NIPBL: variants seen among roughly 807,000 people sequenced by gnomAD.
The protein encoded by NIPBL is nipped-B-like protein.
Under a neutral mutation model 321.8 loss-of-function variants are expected in NIPBL, and 19 were observed. The observed-to-expected ratio is 0.06, with a 90% confidence interval of 0.04 to 0.09. The LOEUF (loss-of-function observed/expected upper bound fraction) is 0.09, where lower values mean the gene tolerates loss of function less well. NIPBL is among the 10% of genes least tolerant of loss of function. The pLI is 1.00. For missense variants in NIPBL, 2,210 were observed against 3,327.0 expected (o/e 0.66, Z 8.26); for synonymous variants, 1,106 against 1,114.1 (o/e 0.99, Z 0.14).
chr5:36,984,108 T>A (rs1048081612), intron 9 of NIPBL, among the ~76,000 whole-genome samples: 2 of 152,134 alleles, frequency 1.3e-5, no homozygotes, highest in Non-Finnish European at 2.9e-5. Context: ...TAAAGTTAAA[T>A]GACAAATTAT....
chr5:37,000,335 A>G, intron 11 of NIPBL, 38 bp from the exon 12 acceptor site: 2 of 1,590,674 alleles, frequency 1.3e-6, no homozygotes, highest in Non-Finnish European at 1.7e-6. Context: ...CATCTTTTTA[A>G]ATGAGGTAAA....
chr5:36,913,912 A>C (rs1291300496), intron 1 of NIPBL, among the ~76,000 whole-genome samples: 1 of 152,178 alleles, frequency 6.6e-6, no homozygotes, highest in African/African-American at 2.4e-5. Context: ...TATTAGTCAG[A>C]ATGGGATATA....
At chr5:37,052,664 G>A (rs1166615638) in intron 42 of NIPBL, 98 bp downstream of exon 42, 3 of 873,026 alleles carry the variant, frequency 3.4e-6, no homozygotes, top group East Asian at 5.3e-5. Context: ...ATTAGTATAT[G>A]ATAGTAACTT....
chr5:36,912,002 A>C (rs181230599), intron 1 of NIPBL, among the ~76,000 whole-genome samples: 1 of 152,168 alleles, frequency 6.6e-6, no homozygotes. Context: ...CATTTGATCA[A>C]ATTCGTGTTT....
At chr5:36,974,481 G>A (rs1267549847) in intron 8 of NIPBL, among the ~76,000 whole-genome samples, 6 of 151,996 alleles carry the variant, frequency 3.9e-5, no homozygotes, top group Non-Finnish European at 7.4e-5. Flanking sequence ...AAATCTTCAG[G>A]TTTGTTAACT....
intron 1 of NIPBL, among the ~76,000 whole-genome samples, chr5:36,917,805 G>C (rs1198293792): frequency 6.6e-6 from 1 of 151,996 alleles, no homozygotes; most frequent in African/African-American, 2.4e-5. Flanking sequence ...TCTTGTTTTT[G>C]TCAGGTTTGT....
chr5:36,955,532 T>G lies in NIPBL; in HGVS notation c.125T>G (p.Phe42Cys). The G allele has an allele frequency of 1.2e-6, 2 of 1,614,006 alleles. No individual in the cohort carries two copies. Among genetic ancestry groups the G allele is most frequent in the Non-Finnish European group, 1.7e-6 (2 of 1,179,926 alleles). The change falls in exon 3 of 47, where the codon TTT becomes TGT. Residue 42 changes from phenylalanine to cysteine, a missense_variant. By Grantham distance (205) the Phe-to-Cys change is radical (BLOSUM62 -2). Around this residue, in one of 14 missense-constraint regions of NIPBL, gnomAD observed 28 missense variants for 65.5 expected, o/e 0.43. Transcript: ENST00000282516. ...GCTACAACTACAAAGAGCCTTCTCT[T>G]TAATGCACGAATAGCAGAAGAGGTG... is the stretch of plus-strand genomic sequence containing the variant. ...LPATTTKSLL[F>C]NARIAEEVNC... is the part of the protein sequence containing the mutation.
rs1487104595 is a variant in NIPBL at position 37,052,583 on chromosome 5, ATTATT to A, written c.7263+21_7263+25del. The A allele has an allele frequency of 1.2e-6, 2 of 1,603,740 alleles. No homozygotes were observed. Among genetic ancestry groups the A allele is most frequent in the Admixed American group, 1.7e-5 (1 of 59,920 alleles). On this transcript the variant is annotated intron_variant, in intron 42 of 46. Transcript: ENST00000282516. ...GACACAGCAGTAAGCACAAAAACTT[ATTATT>A]TTAAGAAAATAAGTGCTCTAGAAAT... is the stretch of plus-strand genomic sequence containing the variant.
chr5:36,939,554 T>G (rs55712022), intron 1 of NIPBL, among the ~76,000 whole-genome samples: 2,658 of 152,330 alleles, frequency 0.017, 33 homozygotes, highest in Middle Eastern at 0.044. Flanking sequence ...TTGAAGGACA[T>G]TTGTTTCCAG....
At chr5:36,949,358 T>A (rs1409060380) in intron 1 of NIPBL, among the ~76,000 whole-genome samples, 1 of 151,910 alleles carries the variant, frequency 6.6e-6, no homozygotes, top group Non-Finnish European at 1.5e-5. Context: ...ACATTTTAGC[T>A]GTTAGTTTAA....
intron 32 of NIPBL, among the ~76,000 whole-genome samples, chr5:37,033,705 C>CACACATAT (rs1415570935): frequency 3.7e-4 from 30 of 80,232 alleles, no homozygotes; most frequent in South Asian, 1.1e-3. Flanking sequence ...CACACACACA[C>CACACATAT]ATATATATAT....
intron 44 of NIPBL, 24 bp downstream of exon 44, chr5:37,059,189 GA>G (rs1318234343): frequency 6.2e-6 from 10 of 1,612,124 alleles, no homozygotes; most frequent in East Asian, 4.5e-5. Flanking sequence ...AGCAGTGAGA[GA>G]AAAAACTTCA....
At chr5:36,940,894 T>A (rs180672035) in intron 1 of NIPBL, among the ~76,000 whole-genome samples, 1 of 152,224 alleles carries the variant, frequency 6.6e-6, no homozygotes, top group African/African-American at 2.4e-5. Flanking sequence ...TTGTTACTGT[T>A]ATGGAATTTA....
intron 3 of NIPBL, 88 bp downstream of exon 3, chr5:36,955,725 T>A: frequency 1.0e-6 from 1 of 995,560 alleles, no homozygotes; most frequent in Non-Finnish European, 1.6e-6. Flanking sequence ...TTTCAGAAAT[T>A]TTTAGATACA....
intron 1 of NIPBL, among the ~76,000 whole-genome samples, chr5:36,928,773 T>C (rs1749554729): frequency 6.6e-6 from 1 of 152,182 alleles, no homozygotes; most frequent in Admixed American, 6.5e-5. Flanking sequence ...GAATTATATG[T>C]AGTATTTTGC....
At chr5:37,001,719 A>C (rs1462759849) in intron 14 of NIPBL, among the ~76,000 whole-genome samples, 1 of 152,178 alleles carries the variant, frequency 6.6e-6, no homozygotes, top group Non-Finnish European at 1.5e-5. Context: ...CAAAATAGTA[A>C]ACCAGTTAGA....
Position 36,986,022 on chromosome 5 carries a change from G to A in NIPBL, c.2842G>A (p.Gly948Ser), listed in dbSNP as rs1181209729. ...AGAATTTCCAAGTTATTTGTTGGGGGGCAGGTCTGGTGCGTTGAAAAATTT... is the reference window on the plus strand; with the variant it reads ...AGAATTTCCAAGTTATTTGTTGGGGAGCAGGTCTGGTGCGTTGAAAAATTT... ...KAEFPSYLLG[G>S]RSGALKNFVI... The change falls in exon 10 of 47, where the codon GGC becomes AGC. Residue 948 changes from glycine (G) to serine (S), a missense_variant. Coordinates refer to ENST00000282516, the MANE Select transcript of NIPBL (RefSeq NM_133433.4). 3.7e-6 allele frequency: 6 copies of A among 1,613,810 alleles called. No individual in the cohort carries two copies. Among genetic ancestry groups the A allele is most frequent in the Admixed American group, 1.7e-5 (1 of 59,944 alleles).
At chr5:37,044,532 C>A (rs1752775890) in intron 35 of NIPBL, 45 bp downstream of exon 35, 1 of 1,598,822 alleles carries the variant, frequency 6.3e-7, no homozygotes, top group Non-Finnish European at 8.6e-7. Context: ...GTGTAAAGTT[C>A]TAATGTATTT....
chr5:37,050,068 T>G (rs1429689402), intron 40 of NIPBL, among the ~76,000 whole-genome samples: 2 of 152,230 alleles, frequency 1.3e-5, no homozygotes, highest in Non-Finnish European at 2.9e-5. Flanking sequence ...TCATACATTA[T>G]AATGAAACAG....
Sources: gnomAD v4.1 joint callset for allele counts (sites outside exome capture counted in the v4.1 genomes callset) on GRCh38, gnomAD v4.1.1 for gene constraint, gnomAD v4.1.1 regional missense constraint, MANE v1.5 for transcripts, NCBI Gene and HGNC (gene_info 2026-07-23, HGNC 2026-07-21) for gene names.